ARHGAP15: variants seen among roughly 807,000 people sequenced by gnomAD.
ARHGAP15 encodes the protein rho GTPase-activating protein 15.
In ARHGAP15, 51 loss-of-function variants were observed where a neutral mutation model predicts 63.7. The ratio of observed to expected loss-of-function variants is 0.80; its 90% CI spans 0.64 to 1.01. ARHGAP15 has a LOEUF of 1.01. ARHGAP15 is among the 50% of genes least tolerant of loss of function. The pLI, the probability that ARHGAP15 is intolerant of heterozygous loss-of-function variation, is 0.00. For missense variants in ARHGAP15, 560 were observed against 564.6 expected, an observed-to-expected ratio of 0.99 and a Z score of 0.08; for synonymous variants, 191 against 193.8, an observed-to-expected ratio of 0.99 and a Z score of 0.12.
chr2:143,471,191 T>TAC (rs1330317884), intron 8 of ARHGAP15, among the ~76,000 whole-genome samples: 3 of 141,500 alleles, frequency 2.1e-5, no homozygotes, highest in Admixed American at 7.0e-5. Flanking sequence ...TGTGTATATA[T>TAC]ACACACATAT....
intron 13 of ARHGAP15, among the ~76,000 whole-genome samples, chr2:143,714,939 T>C (rs1350594089): frequency 6.6e-6 from 1 of 152,220 alleles, no homozygotes; most frequent in Admixed American, 6.5e-5. Context: ...CCCTCCAAAC[T>C]GCTCCAACCT....
At chr2:143,282,511 C>T (rs1681901928) in intron 6 of ARHGAP15, among the ~76,000 whole-genome samples, 1 of 152,014 alleles carries the variant, frequency 6.6e-6, no homozygotes, top group Admixed American at 6.6e-5. Flanking sequence ...ATAAAACCAT[C>T]AGGTCTCATG....
chr2:143,184,786 C>G (rs1574063051), intron 2 of ARHGAP15, among the ~76,000 whole-genome samples: 1 of 152,026 alleles, frequency 6.6e-6, no homozygotes. Flanking sequence ...GGCTCAAACA[C>G]TCCTCTTGCC....
chr2:143,463,540 TG>T (rs1040101849), intron 8 of ARHGAP15, among the ~76,000 whole-genome samples: 2 of 5,134 alleles, frequency 3.9e-4, no homozygotes, highest in African/African-American at 1.9e-3. Flanking sequence ...AACTCCATCT[TG>T]GGGGGTGGGG....
chr2:143,218,911 T>C (rs13032052), intron 4 of ARHGAP15, among the ~76,000 whole-genome samples: 22,536 of 152,304 alleles, frequency 0.15, 1,754 homozygotes, highest in Middle Eastern at 0.25. Flanking sequence ...TGCGCTATGA[T>C]GTTATGAAGA....
intron 11 of ARHGAP15, among the ~76,000 whole-genome samples, chr2:143,582,190 A>C (rs1232898439): frequency 6.6e-6 from 1 of 152,200 alleles, no homozygotes; most frequent in Non-Finnish European, 1.5e-5. Context: ...GCATGATTGC[A>C]CTAAATTGGA....
At chr2:143,586,942 T>C (rs4233569) in intron 11 of ARHGAP15, among the ~76,000 whole-genome samples, 152,144 of 152,188 alleles carry the variant, frequency 1, 76,051 homozygotes, top group Middle Eastern at 1. Context: ...CCTCTCCCTT[T>C]CCTCCCTCCA....
intron 2 of ARHGAP15, among the ~76,000 whole-genome samples, chr2:143,177,109 G>A (rs966523766): frequency 6.6e-6 from 1 of 152,188 alleles, no homozygotes; most frequent in African/African-American, 2.4e-5. Context: ...CTCACAGTGA[G>A]GAGTATTGTG....
chr2:143,509,730 A>G (rs186025969), intron 9 of ARHGAP15, among the ~76,000 whole-genome samples: 1 of 152,110 alleles, frequency 6.6e-6, no homozygotes. Context: ...AATATAAAAG[A>G]TGAGAGTAGA....
At chr2:143,654,053 G>A (rs1681308407) in intron 12 of ARHGAP15, among the ~76,000 whole-genome samples, 1 of 152,152 alleles carries the variant, frequency 6.6e-6, no homozygotes, top group South Asian at 2.1e-4. Flanking sequence ...CTGGGGCTAG[G>A]GAGTCAGTGA....
At chr2:143,132,145 T>C (rs1688938056) in intron 1 of ARHGAP15, among the ~76,000 whole-genome samples, 1 of 152,200 alleles carries the variant, frequency 6.6e-6, no homozygotes, top group Non-Finnish European at 1.5e-5. Flanking sequence ...TAAAAGCATA[T>C]TTTTTACACT....
intron 6 of ARHGAP15, among the ~76,000 whole-genome samples, chr2:143,349,373 C>G (rs1685456495): frequency 6.6e-6 from 1 of 152,196 alleles, no homozygotes; most frequent in Non-Finnish European, 1.5e-5. Context: ...GTCTTTTCCT[C>G]AGTGGCAGTA....
At chr2:143,383,967 G>A (rs1018282503) in intron 6 of ARHGAP15, among the ~76,000 whole-genome samples, 2 of 152,078 alleles carry the variant, frequency 1.3e-5, no homozygotes, top group Non-Finnish European at 1.5e-5. Context: ...AAAATTGACA[G>A]TCACCTGCAT....
At chr2:143,641,691 A>G in intron 12 of ARHGAP15, among the ~76,000 whole-genome samples, 1 of 152,196 alleles carries the variant, frequency 6.6e-6, no homozygotes, top group East Asian at 1.9e-4. Flanking sequence ...AGAACTATTT[A>G]TGATATAAAC....
chr2:143,492,464 TA>T (rs960410346), intron 9 of ARHGAP15, among the ~76,000 whole-genome samples: 5 of 151,818 alleles, frequency 3.3e-5, no homozygotes, highest in African/African-American at 1.2e-4. Context: ...TTTTAAAAGT[TA>T]AAAAAAACAT....
chr2:143,224,309 C>G (rs1490989791), intron 4 of ARHGAP15, among the ~76,000 whole-genome samples: 1 of 152,102 alleles, frequency 6.6e-6, no homozygotes, highest in Admixed American at 6.5e-5. Context: ...AGAAATTTTT[C>G]AGTCCTTGTT....
At position 143,205,287 on chromosome 2, in the gene ARHGAP15, C is replaced by T. The variant is rs1230142728; in HGVS notation, c.234+3085C>T. On this transcript the variant is annotated intron_variant, in intron 3 of 13. Coordinates refer to ENST00000295095, the MANE Select transcript of ARHGAP15 (RefSeq NM_018460.4). ...AAAAAAAAAAAGAAACAGAAAGGAACCTACAAATGAACAAACAAGAAACCA... is the reference window on the plus strand; with the variant it reads ...AAAAAAAAAAAGAAACAGAAAGGAATCTACAAATGAACAAACAAGAAACCA... Among the ~76,000 whole-genome samples, 2 of 150,404 alleles carry T rather than the reference C, an allele frequency of 1.3e-5. 1 individual carries two copies. Among genetic ancestry groups the T allele is most frequent in the African/African-American group, 4.9e-5 (2 of 40,896 alleles).
rs73001535 is a variant in ARHGAP15, at chr2:143,411,364, C to T, written c.475-24237C>T. 1.3e-3 allele frequency among the ~76,000 whole-genome samples: 199 copies of T among 152,220 alleles called. 1 individual carries two copies. The highest frequency in any genetic ancestry group is 4.4e-3 in the African/African-American group (182 of 41,554). On this transcript the variant is annotated intron_variant, in intron 6 of 13. Coordinates refer to ENST00000295095, the MANE Select transcript of ARHGAP15 (RefSeq NM_018460.4). ...CAGAAAATTATTCTCTAAATATAAG[C>T]ATTTAAAGTAATCATTAACTTGCTG... is the stretch of plus-strand genomic sequence containing the variant.
chr2:143,285,177 A>G (rs182738257), intron 6 of ARHGAP15, among the ~76,000 whole-genome samples: 34 of 152,282 alleles, frequency 2.2e-4, no homozygotes, highest in African/African-American at 7.9e-4. Context: ...TAAAAATTAG[A>G]TTAACTGCCT....
Sources: gnomAD v4.1 joint callset for allele counts (sites outside exome capture counted in the v4.1 genomes callset) on GRCh38, gnomAD v4.1.1 for gene constraint, MANE v1.5 for transcripts, NCBI Gene and HGNC (gene_info 2026-07-23, HGNC 2026-07-21) for gene names.